Variants in COL10A1 observed in about 807,000 individuals in gnomAD.
The protein encoded by COL10A1 is collagen type X alpha 1 chain, also known as collagen alpha-1(X) chain.
COL10A1 carries 10 observed loss-of-function variants against 18.2 expected under a neutral mutation model. The observed-to-expected ratio is 0.55, with a 90% confidence interval of 0.34 to 0.93. The LOEUF is 0.93. Among genes scored for constraint, COL10A1 ranks in the 40% least tolerant of loss-of-function variants. The pLI, the probability that COL10A1 is intolerant of heterozygous loss-of-function variation, is 0.02. For missense variants in COL10A1, 897 were observed against 853.5 expected (o/e 1.05, Z -0.64); for synonymous variants, 330 against 316.6 (o/e 1.04, Z -0.45).
At chr6:116,156,781 G>A (rs1005628429) in intron 1 of COL10A1, among the ~76,000 whole-genome samples, 1 of 152,086 alleles carries the variant, frequency 6.6e-6, no homozygotes, top group Non-Finnish European at 1.5e-5. Context: ...GATATCTATG[G>A]ATATGAAGAA....
chr6:116,198,575 T>A, the COL10A1 span, among the ~76,000 whole-genome samples: 4 of 151,362 alleles, frequency 2.6e-5, no homozygotes, highest in Admixed American at 2.0e-4. Context: ...AGAAAAAAAA[T>A]TTAAAAATAG....
the COL10A1 span, among the ~76,000 whole-genome samples, chr6:116,206,033 T>C: frequency 6.6e-6 from 1 of 152,008 alleles, no homozygotes; most frequent in Non-Finnish European, 1.5e-5. Flanking sequence ...CCCAGTGTTT[T>C]TTCCTGGAAG....
upstream of COL10A1, among the ~76,000 whole-genome samples, chr6:116,159,423 C>T (rs184529615): frequency 2.0e-5 from 3 of 152,188 alleles, no homozygotes; most frequent in East Asian, 5.8e-4. Context: ...CTACCCATTC[C>T]TTTGTTCTTT....
At chr6:116,215,930 T>G in the COL10A1 span, among the ~76,000 whole-genome samples, 14 of 152,170 alleles carry the variant, frequency 9.2e-5, no homozygotes, top group Non-Finnish European at 5.9e-5. Context: ...TTTGGAGAGA[T>G]AAAGGAGTCT....
chr6:116,183,638 A>C, the COL10A1 span, among the ~76,000 whole-genome samples: 3 of 151,210 alleles, frequency 2.0e-5, no homozygotes, highest in African/African-American at 7.3e-5. Flanking sequence ...TAAGTATTTT[A>C]TTTTATTATT....
At chr6:116,126,405 T>C (rs968788846), upstream of COL10A1, among the ~76,000 whole-genome samples, 4 of 152,184 alleles carry the variant, frequency 2.6e-5, no homozygotes, top group Non-Finnish European at 4.4e-5. Context: ...GTGTTCAGGC[T>C]GGTTCACGGT....
At chr6:116,123,700 A>T (rs771171282) in intron 2 of COL10A1, among the ~76,000 whole-genome samples, 1 of 152,212 alleles carries the variant, frequency 6.6e-6, no homozygotes, top group Non-Finnish European at 1.5e-5. Context: ...ATGTCTGCCA[A>T]TGGATGATAG....
intron 1 of COL10A1, among the ~76,000 whole-genome samples, chr6:116,150,272 TTTTTA>T (rs1240436342): frequency 2.6e-5 from 4 of 151,972 alleles, no homozygotes; most frequent in African/African-American, 7.3e-5. Context: ...AATGGTTTTT[TTTTTA>T]TTTTAACTTT....
intron 1 of COL10A1, among the ~76,000 whole-genome samples, chr6:116,156,506 G>C (rs1353159237): frequency 6.6e-6 from 1 of 152,158 alleles, no homozygotes; most frequent in African/African-American, 2.4e-5. Flanking sequence ...AAAGGAATGC[G>C]TCTTAAGGAA....
At chr6:116,154,763 A>G (rs1780141516) in intron 1 of COL10A1, among the ~76,000 whole-genome samples, 1 of 152,240 alleles carries the variant, frequency 6.6e-6, no homozygotes, top group South Asian at 2.1e-4. Flanking sequence ...CAAACTAAAA[A>G]CAAAGCACCG....
intron 1 of COL10A1, among the ~76,000 whole-genome samples, chr6:116,135,145 A>G (rs1462690477): frequency 6.6e-6 from 1 of 152,202 alleles, no homozygotes; most frequent in African/African-American, 2.4e-5. Context: ...GACTACTGAT[A>G]TCATTTATTA....
chr6:116,172,843 C>T, the COL10A1 span, among the ~76,000 whole-genome samples: 1 of 151,976 alleles, frequency 6.6e-6, no homozygotes, highest in Non-Finnish European at 1.5e-5. Flanking sequence ...ATCTACTCTC[C>T]TTGTTTTTAT....
the COL10A1 span, among the ~76,000 whole-genome samples, chr6:116,173,832 T>G: frequency 2.0e-5 from 3 of 152,184 alleles, no homozygotes; most frequent in Admixed American, 1.3e-4. Context: ...AAACCAACAT[T>G]GGCACATTCC....
intron 1 of COL10A1, among the ~76,000 whole-genome samples, chr6:116,144,211 G>A (rs1306771990): frequency 6.6e-6 from 1 of 152,100 alleles, no homozygotes; most frequent in Non-Finnish European, 1.5e-5. Context: ...CAACATTAAA[G>A]TGTAAAAGGA....
chr6:116,206,482 AC>A, the COL10A1 span, among the ~76,000 whole-genome samples: 2 of 151,976 alleles, frequency 1.3e-5, no homozygotes, highest in Non-Finnish European at 2.9e-5. Context: ...GGTCCATACC[AC>A]CCAGGAACAC....
At chr6:116,129,008 G>T (rs890683104), upstream of COL10A1, among the ~76,000 whole-genome samples, 15 of 152,008 alleles carry the variant, frequency 9.9e-5, no homozygotes, top group African/African-American at 3.6e-4. Flanking sequence ...ATCTCAACTC[G>T]CTGTCACTCA....
At chr6:116,147,011 A>G (rs181461168) in intron 1 of COL10A1, among the ~76,000 whole-genome samples, 1 of 148,512 alleles carries the variant, frequency 6.7e-6, no homozygotes, top group East Asian at 1.9e-4. Flanking sequence ...ATATATATAT[A>G]TATTTTTAAT....
At chr6:116,126,740 C>A (rs1779324756), upstream of COL10A1, among the ~76,000 whole-genome samples, 1 of 152,020 alleles carries the variant, frequency 6.6e-6, no homozygotes, top group Admixed American at 6.6e-5. Flanking sequence ...TTTAGAGTTG[C>A]AGTAGAGTTT....
At chr6:116,136,503 T>C (rs1224960530) in intron 1 of COL10A1, among the ~76,000 whole-genome samples, 1 of 152,054 alleles carries the variant, frequency 6.6e-6, no homozygotes, top group Non-Finnish European at 1.5e-5. Flanking sequence ...GCTTATTAAG[T>C]GGAATGACTC....
Sources: gnomAD v4.1 joint callset for allele counts (sites outside exome capture counted in the v4.1 genomes callset) on GRCh38, gnomAD v4.1.1 for gene constraint, MANE v1.5 for transcripts, NCBI Gene and HGNC (gene_info 2026-07-23, HGNC 2026-07-21) for gene names.